COL7A1: variants seen among roughly 807,000 people sequenced by gnomAD.
COL7A1 encodes collagen alpha-1(VII) chain.
A neutral mutation model predicts 456.2 loss-of-function variants in COL7A1; 296 were observed. That is an observed-to-expected ratio of 0.65 (90% CI 0.59 to 0.71). The LOEUF is 0.71. Ranked by LOEUF, COL7A1 falls within the 30% of genes least tolerant of loss-of-function variation. The pLI is 0.00. For synonymous variants in COL7A1, 1,464 were observed against 1,525.9 expected (o/e 0.96, Z 0.95); for missense variants, 3,441 against 4,017.2 (o/e 0.86, Z 3.88).
rs368955197 is a variant in COL7A1, at chr3:48,573,590, C to T, written c.6574-33G>A. 1.2e-6 allele frequency: 2 copies of T among 1,614,042 alleles called. No homozygotes were observed. Among genetic ancestry groups the T allele is most frequent in the South Asian group, 1.1e-5 (1 of 91,086 alleles). On this transcript the variant is annotated intron_variant, in intron 82 of 118. Coordinates refer to ENST00000681320, the MANE Select transcript of COL7A1 (RefSeq NM_000094.4). The surrounding 1 kb of genome is among the most constrained non-coding windows in gnomAD (Gnocchi z 5.5). ...AAAGGGTCAAGGGCAGGGAACAGGG[C>T]TCAGGGATTAACACAGAGAAGGCCT...
In COL7A1 at chr3:48,574,017, C is replaced by T; in HGVS notation, c.6502-127G>A. 7.9e-7 allele frequency: 1 copy of T among 1,264,592 alleles called. No homozygotes were observed. Among genetic ancestry groups the T allele is most frequent in the Non-Finnish European group, 1.1e-6 (1 of 890,772 alleles). The allele number at this position is 1,264,592 out of a possible 1,614,324, so 78.3% of individuals were successfully genotyped here. A position where few individuals can be genotyped will look rare whatever the true frequency, so the allele number is the denominator to read the frequency against. ...CCTTTCCAGTCACAGATAATACCTA[C>T]CCATGGACTGCCTCTCATAGATAGC... On this transcript the variant is annotated intron_variant, in intron 80 of 118. Transcript: ENST00000681320. This position sits in a 1 kb window ranked among gnomAD's most constrained non-coding sequence, Gnocchi z 5.0.
At position 48,585,602 on chromosome 3, in the gene COL7A1, G is replaced by T; in HGVS notation, c.3849C>A (p.Pro1283=). The change falls in exon 32 of 119, where the codon CCC becomes CCA. Residue 1283 remains proline (P), a synonymous_variant. Coordinates refer to ENST00000681320, the MANE Select transcript of COL7A1 (RefSeq NM_000094.4). This position sits in a 1 kb window ranked among gnomAD's most constrained non-coding sequence, Gnocchi z 4.5. The part of the protein sequence containing the change: ...DPGLPGRTGA[P]GPQGPPGSAT... ...CACTTCCAGGGGGCCCCTGGGGGCC[G>T]GGAGCACCGGTCCTGCCCTGAAAGA... 1 of 1,614,018 alleles carries T rather than the reference G, an allele frequency of 6.2e-7. No homozygotes were observed. Among genetic ancestry groups the T allele is most frequent in the Non-Finnish European group, 8.5e-7 (1 of 1,180,028 alleles).
In COL7A1 at chr3:48,565,427, G is replaced by A. The variant is rs756085968; in HGVS notation, c.8510C>T (p.Ser2837Phe). ...QLHAVPVLRV[S>F]HAEEEERVPP... ...GTCCTCACCTTCCTCCTCTGCATGA[G>A]AGACGCGGAGCACAGGCACAGCATG... Residue 2837 changes from serine to phenylalanine, a missense_variant, in exon 116 of 119, where the codon TCT (serine) becomes TTT (phenylalanine). Coordinates refer to ENST00000681320, the MANE Select transcript of COL7A1 (RefSeq NM_000094.4). The surrounding 1 kb of genome is among the most constrained non-coding windows in gnomAD (Gnocchi z 4.5). The A allele has an allele frequency of 8.1e-6, 13 of 1,611,340 alleles. No homozygotes were observed. Among genetic ancestry groups the A allele is most frequent in the Admixed American group, 1.7e-5 (1 of 59,552 alleles).
intron 18 of COL7A1, 29 bp downstream of exon 18, chr3:48,589,298 T>A: frequency 6.2e-7 from 1 of 1,611,376 alleles, no homozygotes; most frequent in Non-Finnish European, 8.5e-7. Context: ...TAATGCGGTG[T>A]GGCTAGTAGC....
Position 48,592,393 on chromosome 3 carries a change from G to C in COL7A1, c.1051C>G (p.Pro351Ala). 6.2e-7 allele frequency: 1 copy of C among 1,613,760 alleles called. No individual in the cohort carries two copies. The change falls in exon 9 of 119, where the codon CCA (proline) becomes GCA (alanine). Residue 351 changes from proline to alanine, a missense_variant. Around this residue, in one of 3 missense-constraint regions of COL7A1, gnomAD observed 913 missense variants for 1,088.2 expected, o/e 0.84. Transcript: ENST00000681320. This position sits in a 1 kb window ranked among gnomAD's most constrained non-coding sequence, Gnocchi z 7.6. Reference protein sequence around the residue: ...HSLLVAWRSVPGATGYRVTWR... With the variant: ...HSLLVAWRSVAGATGYRVTWR... ...GTCACACGGTAGCCAGTGGCACCTGGCACACTCCGCCAGGCCACCAGGAGG... is the reference window on the plus strand; with the variant it reads ...GTCACACGGTAGCCAGTGGCACCTGCCACACTCCGCCAGGCCACCAGGAGG...
Position 48,569,016 on chromosome 3 carries a change from T to C in COL7A1, c.7687-161A>G, listed in dbSNP as rs750459749. ...CCATAGCGGGTGGAACTGGGGGCTG[T>C]AGTCCACAGACTGGCTCATTTCTCA... On this transcript the variant is annotated intron_variant, in intron 103 of 118. Transcript: ENST00000681320. The surrounding 1 kb of genome is among the most constrained non-coding windows in gnomAD (Gnocchi z 4.9). Among the ~76,000 whole-genome samples the C allele has an allele frequency of 3.3e-5, 5 of 152,126 alleles. No individual in the cohort carries two copies. Among genetic ancestry groups the C allele is most frequent in the Non-Finnish European group, 7.4e-5 (5 of 67,994 alleles).
Position 48,592,130 on chromosome 3 carries a change from C to T in COL7A1, c.1212G>A (p.Gly404=). The T allele has an allele frequency of 1.2e-6, 2 of 1,613,532 alleles. No homozygotes were observed. The highest frequency in any genetic ancestry group is 1.7e-6 in the Non-Finnish European group (2 of 1,179,838). ...TGCGAGCCATCAGGGAAGTGGCGGGCCCCACACTGCGGCCAAATAGGGTGC... is the reference window on the plus strand; with the variant it reads ...TGCGAGCCATCAGGGAAGTGGCGGGTCCCACACTGCGGCCAAATAGGGTGC... The part of the protein sequence containing the change: ...TVSTLFGRSV[G]PATSLMARTD... The change falls in exon 10 of 119, where the codon GGG becomes GGA. Residue 404 remains glycine, a synonymous_variant. Coordinates refer to ENST00000681320, the MANE Select transcript of COL7A1 (RefSeq NM_000094.4). This position sits in a 1 kb window ranked among gnomAD's most constrained non-coding sequence, Gnocchi z 7.6.
In COL7A1 at chr3:48,571,893, C is replaced by T; in HGVS notation, c.7068+108G>A. Reference sequence around the variant, plus strand: ...GCAGGCTCCTGGATGTTGGGACATGCAGCCCGACTCAGGGGCTCAGACATG... The same window carrying T: ...GCAGGCTCCTGGATGTTGGGACATGTAGCCCGACTCAGGGGCTCAGACATG... On this transcript the variant is annotated intron_variant, in intron 92 of 118. Coordinates refer to ENST00000681320, the MANE Select transcript of COL7A1 (RefSeq NM_000094.4). This position sits in a 1 kb window ranked among gnomAD's most constrained non-coding sequence, Gnocchi z 4.6. The T allele has an allele frequency of 7.4e-7, 1 of 1,354,270 alleles. No homozygotes were observed. The highest frequency in any genetic ancestry group is 1.0e-6 in the Non-Finnish European group (1 of 969,562). The allele number at this position is 1,354,270 out of a possible 1,614,324, so 83.9% of individuals were successfully genotyped here.
rs2044269322 is a variant in COL7A1 at position 48,575,926 on chromosome 3, G to T, written c.5821-24C>A. ...TTCTGGGGACAAAGTCTGGGTGAAGGGCTGCCCATGACAGAGAAGCTCCTG... is the reference window on the plus strand; with the variant it reads ...TTCTGGGGACAAAGTCTGGGTGAAGTGCTGCCCATGACAGAGAAGCTCCTG... On this transcript the variant is annotated intron_variant, in intron 71 of 118. Transcript: ENST00000681320. This position sits in a 1 kb window ranked among gnomAD's most constrained non-coding sequence, Gnocchi z 6.3. 4.3e-6 allele frequency: 7 copies of T among 1,614,004 alleles called. No individual in the cohort carries two copies. Among genetic ancestry groups the T allele is most frequent in the Non-Finnish European group, 2.5e-6 (3 of 1,180,024 alleles).
In COL7A1 at chr3:48,592,173, T is replaced by C. The variant is rs1310511801; in HGVS notation, c.1169A>G (p.Asp390Gly). ...VLLRDLEPGT[D>G]YEVTVSTLFG... ...TAGGGTGCTCACGGTCACCTCATAGTCCGTGCCAGGCTCCAAGTCACGCAG... is the reference window on the plus strand; with the variant it reads ...TAGGGTGCTCACGGTCACCTCATAGCCCGTGCCAGGCTCCAAGTCACGCAG... The change falls in exon 10 of 119, where the codon GAC becomes GGC. Residue 390 changes from aspartate (D) to glycine (G), a missense_variant. Transcript: ENST00000681320. This position sits in a 1 kb window ranked among gnomAD's most constrained non-coding sequence, Gnocchi z 7.6. 16 of 1,613,962 alleles carry C rather than the reference T, an allele frequency of 9.9e-6. No homozygotes were observed. Among genetic ancestry groups the C allele is most frequent in the Non-Finnish European group, 1.4e-5 (16 of 1,180,044 alleles).
rs183566461 is a variant in COL7A1 at position 48,567,971 on chromosome 3, A to C, written c.7876-80T>G. On this transcript the variant is annotated intron_variant, in intron 106 of 118. Transcript: ENST00000681320. This position sits in a 1 kb window ranked among gnomAD's most constrained non-coding sequence, Gnocchi z 4.3. ...CCCTTCACCCTGAAACTAACTCTCC[A>C]AACAGGCCTCAGCTACTCCAACCTC... is the stretch of plus-strand genomic sequence containing the variant. 2.6e-5 allele frequency: 42 copies of C among 1,604,168 alleles called. 2 individuals carry two copies. In the South Asian group the frequency reaches 3.6e-4, roughly 14 times the overall value.
rs749165316 is a variant in COL7A1, at chr3:48,568,114, G to A, written c.7851C>T (p.Gly2617=). 6.2e-7 allele frequency: 1 copy of A among 1,614,184 alleles called. No individual in the cohort carries two copies. Among genetic ancestry groups the A allele is most frequent in the African/African-American group, 1.3e-5 (1 of 75,044 alleles). ...CCTTGAGGCCCCGGGGACCCATGAA[G>A]CCAACATCTCCTTTTTCTCCTCGGA... ...PGIRGEKGDV[G]FMGPRGLKGE... The change falls in exon 106 of 119, where the codon GGC becomes GGT. Residue 2617 remains glycine (G), a synonymous_variant. Coordinates refer to ENST00000681320, the MANE Select transcript of COL7A1 (RefSeq NM_000094.4). The surrounding 1 kb of genome is among the most constrained non-coding windows in gnomAD (Gnocchi z 5.2).
At position 48,573,784 on chromosome 3, in the gene COL7A1, T is replaced by G. The variant is rs2044095077; in HGVS notation, c.6538-59A>C. On this transcript the variant is annotated intron_variant, in intron 81 of 118. Coordinates refer to ENST00000681320, the MANE Select transcript of COL7A1 (RefSeq NM_000094.4). The surrounding 1 kb of genome is among the most constrained non-coding windows in gnomAD (Gnocchi z 5.5). ...GTTAGCCGCACCCCACCAAGGAAAC[T>G]GAGGCAGTACTGGTCACTGGGGCAG... 1.2e-6 allele frequency: 2 copies of G among 1,613,924 alleles called. No individual in the cohort carries two copies. Among genetic ancestry groups the G allele is most frequent in the Non-Finnish European group, 1.7e-6 (2 of 1,179,964 alleles).
At position 48,586,002 on chromosome 3, in the gene COL7A1, T is replaced by C. The variant is rs746381721; in HGVS notation, c.3724-27A>G. ...TGCGGACATAGGGTCTCTTTGAGGTTGAACATTTCTACCAAGAACCCCCAG... is the reference window on the plus strand; with the variant it reads ...TGCGGACATAGGGTCTCTTTGAGGTCGAACATTTCTACCAAGAACCCCCAG... On this transcript the variant is annotated intron_variant, in intron 28 of 118. Coordinates refer to ENST00000681320, the MANE Select transcript of COL7A1 (RefSeq NM_000094.4). This position sits in a 1 kb window ranked among gnomAD's most constrained non-coding sequence, Gnocchi z 5.1. 4.3e-6 allele frequency: 7 copies of C among 1,613,616 alleles called. No individual in the cohort carries two copies. The East Asian group carries it at 1.6e-4, about 36-fold the overall frequency.
rs750925861 is a variant in COL7A1 at position 48,593,543 on chromosome 3, G to C, written c.420C>G (p.Val140=). Residue 140 remains valine (V), a synonymous_variant, in exon 4 of 119, where the codon GTC becomes GTG. Coordinates refer to ENST00000681320, the MANE Select transcript of COL7A1 (RefSeq NM_000094.4). This position sits in a 1 kb window ranked among gnomAD's most constrained non-coding sequence, Gnocchi z 4.4. ...TGGTAGGGGTAGGGATCACCTTGGG[G>C]ACACCAGGTCGGGCCAGCTGGGGCA... ...VFLPQLARPG[V]PKVCILITDG... 1 of 1,614,152 alleles carries C rather than the reference G, an allele frequency of 6.2e-7. No homozygotes were observed. The highest frequency in any genetic ancestry group is 8.5e-7 in the Non-Finnish European group (1 of 1,180,018).
Position 48,571,251 on chromosome 3 carries a change from C to T in COL7A1, c.7096G>A (p.Gly2366Ser), listed in dbSNP as rs1560204600. ...CTTCTGGGTACACATACCTTGAAAC[C>T]TTTGGGTCCTGGAGCCCCTTTCTGA... ...DGQKGAPGPK[G>S]FKGDPGVGVP... The change falls in exon 93 of 119, where the codon GGT becomes AGT. Residue 2366 changes from glycine (G) to serine (S), a missense_variant. Gly to Ser is a moderately conservative substitution (Grantham distance 56). This residue lies in a region of COL7A1 where 2,084 missense variants were observed against 2,501.3 expected (regional missense o/e 0.83). Coordinates refer to ENST00000681320, the MANE Select transcript of COL7A1 (RefSeq NM_000094.4). The surrounding 1 kb of genome is among the most constrained non-coding windows in gnomAD (Gnocchi z 4.6). 6.2e-7 allele frequency: 1 copy of T among 1,614,192 alleles called. No homozygotes were observed.
At position 48,564,495 on chromosome 3, in the gene COL7A1, C is replaced by T. The variant is rs2043517753; in HGVS notation, c.8819-73G>A. 5.7e-6 allele frequency: 9 copies of T among 1,578,374 alleles called. No individual in the cohort carries two copies. The highest frequency in any genetic ancestry group is 7.8e-6 in the Non-Finnish European group (9 of 1,151,064). ...GGAGACGCTCAGGCAGAGGCACCGC[C>T]AAGGGGAGGGAGCGGAGGCTACAAC... On this transcript the variant is annotated intron_variant, in intron 118 of 118. Coordinates refer to ENST00000681320, the MANE Select transcript of COL7A1 (RefSeq NM_000094.4). The surrounding 1 kb of genome is among the most constrained non-coding windows in gnomAD (Gnocchi z 6.0).
At position 48,586,182 on chromosome 3, in the gene COL7A1, C is replaced by T. The variant is rs750065344; in HGVS notation, c.3615G>A (p.Pro1205=). The T allele has an allele frequency of 2.4e-5, 39 of 1,613,240 alleles. No homozygotes were observed. Among genetic ancestry groups the T allele is most frequent in the Middle Eastern group, 1.6e-4 (1 of 6,084 alleles). Reference sequence around the variant, plus strand: ...AGAAGGTCTGGACAGAGTCCATACCCGGCGCCAAGCGACGCAGCTGCTCTG... The same window carrying T: ...AGAAGGTCTGGACAGAGTCCATACCTGGCGCCAAGCGACGCAGCTGCTCTG... ...ADPEQLRRLA[P]GMDSVQTFFA... is the part of the protein sequence containing the mutation. Residue 1205 remains proline, a synonymous_variant, in exon 28 of 119, where the codon CCG becomes CCA. Transcript: ENST00000681320. The surrounding 1 kb of genome is among the most constrained non-coding windows in gnomAD (Gnocchi z 5.1).
chr3:48,579,904 A>G lies in COL7A1; in HGVS notation c.5125-90T>C. 1 of 1,593,018 alleles carries G rather than the reference A, an allele frequency of 6.3e-7. No homozygotes were observed. Among genetic ancestry groups the G allele is most frequent in the South Asian group, 1.1e-5 (1 of 90,604 alleles). On this transcript the variant is annotated intron_variant, in intron 57 of 118. Coordinates refer to ENST00000681320, the MANE Select transcript of COL7A1 (RefSeq NM_000094.4). This position sits in a 1 kb window ranked among gnomAD's most constrained non-coding sequence, Gnocchi z 4.4. ...ACAGGGTCTGTGAGGGGCTCCAGGG[A>G]TCCGCGGAGGTTTCAGAGGGACAGT...
Sources: gnomAD v4.1 joint callset for allele counts (sites outside exome capture counted in the v4.1 genomes callset) on GRCh38, gnomAD v4.1.1 for gene constraint, gnomAD v4.1.1 regional missense constraint, Gnocchi (gnomAD v3.1) non-coding constraint, MANE v1.5 for transcripts, NCBI Gene and HGNC (gene_info 2026-07-23, HGNC 2026-07-21) for gene names.